SPATA13: variants seen among roughly 807,000 people sequenced by gnomAD.
SPATA13 encodes spermatogenesis associated 13.
Under a neutral mutation model 104.0 loss-of-function variants are expected in SPATA13, and 50 were observed. The observed-to-expected ratio is 0.48, with a 90% CI of 0.38 to 0.61. SPATA13 has a LOEUF of 0.61. Among genes scored for constraint, SPATA13 ranks in the 20% least tolerant of loss-of-function variants. The probability of loss-of-function intolerance (pLI) is 0.00; values close to 1 mark genes in which losing one functional copy is unlikely to be tolerated. For synonymous variants in SPATA13, 606 were observed against 667.5 expected (o/e 0.91, Z 1.42); for missense variants, 1,524 against 1,690.6 (o/e 0.90, Z 1.73).
At chr13:24,256,474 T>C (rs1272774910) in intron 4 of SPATA13, among the ~76,000 whole-genome samples, 1 of 152,154 alleles carries the variant, frequency 6.6e-6, no homozygotes, top group Non-Finnish European at 1.5e-5. Flanking sequence ...ATTATGTGAG[T>C]TTAAAATAAT....
chr13:24,224,566 A>C lies in SPATA13; in HGVS notation c.1637A>C (p.Glu546Ala). 6.5e-7 allele frequency: 1 copy of C among 1,539,066 alleles called. No homozygotes were observed. Among genetic ancestry groups the C allele is most frequent in the Non-Finnish European group, 8.7e-7 (1 of 1,146,876 alleles). ...VNIGVAAGPE[E>A]KEKEEVVPDG... ...ATTGGTGTGGCAGCCGGCCCAGAAG[A>C]AAAGGAGAAGGAGGAGGTAAGGGCA... Residue 546 changes from glutamate (E) to alanine (A), a missense_variant, in exon 2 of 13, where the codon GAA (glutamate) becomes GCA (alanine). Physicochemically the swap from Glu to Ala is moderately radical, Grantham distance 107 (BLOSUM62 -1). Transcript: ENST00000382108.
chr13:24,294,850 G>A lies in SPATA13; in HGVS notation c.3192G>A (p.Val1064=), dbSNP rs1316759120. The A allele has an allele frequency of 1.9e-6, 3 of 1,609,710 alleles. No homozygotes were observed. Among genetic ancestry groups the A allele is most frequent in the South Asian group, 2.2e-5 (2 of 90,968 alleles). The change falls in exon 10 of 13, where the codon GTG becomes GTA. Residue 1064 remains valine, a synonymous_variant. Coordinates refer to ENST00000382108, the MANE Select transcript of SPATA13 (RefSeq NM_001166271.3). ...TCGACAAGATAGCTCGCTGGCAGGT[G>A]TCTATCGTGGGCTGGGAGGTAAGTG... is the stretch of plus-strand genomic sequence containing the variant. ...ESIDKIARWQ[V]SIVGWEGLDI...
Position 24,160,805 on chromosome 13 carries a change from C to T in SPATA13, c.-239C>T, listed in dbSNP as rs1440522083. The T allele has an allele frequency of 1.4e-5, 14 of 985,340 alleles. No individual in the cohort carries two copies. The highest frequency in any genetic ancestry group is 1.7e-5 in the Non-Finnish European group (14 of 829,962). 61.0% of individuals were successfully genotyped at this position (985,340 alleles called of 1,614,324 possible). ...GCCGGTCGCTAGCTCCGAGGGCGCG[C>T]ACTGGATCCCAGGCTCCTCCGAGAG... On this transcript the variant is annotated 5_prime_UTR_variant, in exon 1 of 13. Transcript: ENST00000382108.
intron 3 of SPATA13, among the ~76,000 whole-genome samples, chr13:24,035,739 C>T (rs1293650078): frequency 2.0e-5 from 3 of 152,142 alleles, no homozygotes; most frequent in Non-Finnish European, 2.9e-5. Flanking sequence ...TCTGGCTGAG[C>T]GAGGTGGCGC....
At chr13:24,124,527 G>T (rs370890759) in intron 3 of SPATA13, among the ~76,000 whole-genome samples, 6 of 152,314 alleles carry the variant, frequency 3.9e-5, no homozygotes, top group African/African-American at 1.2e-4. Context: ...GGGACGCAGT[G>T]CTCTCATCTA....
intron 3 of SPATA13, among the ~76,000 whole-genome samples, chr13:24,072,790 T>G (rs1879210104): frequency 6.7e-6 from 1 of 150,030 alleles, no homozygotes; most frequent in Admixed American, 6.6e-5. Context: ...TCCTCTGAGT[T>G]GCAATGGCTC....
At position 24,239,693 on chromosome 13, in the gene SPATA13, T is replaced by TAAAAAAAAAA. The variant is rs55881452; in HGVS notation, c.1654-9767_1654-9758dup. Among the ~76,000 whole-genome samples, 322 of 46,922 alleles carry TAAAAAAAAAA rather than the reference T, an allele frequency of 6.9e-3. 32 individuals are homozygous for TAAAAAAAAAA. Among genetic ancestry groups the TAAAAAAAAAA allele is most frequent in the Middle Eastern group, 0.023 (1 of 44 alleles). The allele number at this position is 46,922 out of a possible 152,430, so 30.8% of individuals were successfully genotyped here. On this transcript the variant is annotated intron_variant, in intron 2 of 12. Transcript: ENST00000382108. ...CTGGGTGTCGGATAGAGACCATATC[T>TAAAAAAAAAA]AAAAAAAAAAAAAAAAAAAAAAAAA...
chr13:24,286,430 T>G lies in SPATA13; in HGVS notation c.2481+37T>G, dbSNP rs1566193883. Reference sequence around the variant, plus strand: ...GTGCTTGCAGCTTTTCCAAAGTACCTGGGGGAGCTGCAGGATCCTTTCAGG... The same window carrying G: ...GTGCTTGCAGCTTTTCCAAAGTACCGGGGGGAGCTGCAGGATCCTTTCAGG... On this transcript the variant is annotated intron_variant, in intron 6 of 12. Transcript: ENST00000382108. The surrounding 1 kb of genome is among the most constrained non-coding windows in gnomAD (Gnocchi z 4.9). 2 of 1,591,182 alleles carry G rather than the reference T, an allele frequency of 1.3e-6. No homozygotes were observed. The highest frequency in any genetic ancestry group is 1.7e-5 in the Admixed American group (1 of 57,236).
intron 3 of SPATA13, among the ~76,000 whole-genome samples, chr13:24,110,432 A>C (rs925991999): frequency 6.6e-6 from 1 of 152,174 alleles, no homozygotes; most frequent in African/African-American, 2.4e-5. Flanking sequence ...GACTCACTTA[A>C]TATTGTAATA....
chr13:24,268,406 T>C (rs1874392133), intron 4 of SPATA13, among the ~76,000 whole-genome samples: 1 of 152,236 alleles, frequency 6.6e-6, no homozygotes, highest in South Asian at 2.1e-4. Flanking sequence ...TATGCCTGTA[T>C]TGAATGAATT....
At chr13:24,239,679 A>T (rs1203678353) in intron 2 of SPATA13, among the ~76,000 whole-genome samples, 4 of 125,906 alleles carry the variant, frequency 3.2e-5, no homozygotes, top group Non-Finnish European at 6.6e-5. Context: ...TGGGTGTCGG[A>T]TAGAGACCAT....
At chr13:24,254,271 G>A (rs1873666961) in intron 4 of SPATA13, 1 of 152,176 alleles carries the variant, frequency 6.6e-6, no homozygotes, top group South Asian at 2.1e-4. Flanking sequence ...AGAGTTCCTA[G>A]GTGGGAAGAA....
In SPATA13 at chr13:24,258,385, G is replaced by C. The variant is rs867282086; in HGVS notation, c.2164+6523G>C. On this transcript the variant is annotated intron_variant, in intron 4 of 12. Transcript: ENST00000382108. ...ATCTCAAAAAAAAAAAAAAAAAAAA[G>C]GCCAGGCACGGTGGCTCATGTCTGT... Among the ~76,000 whole-genome samples, 23 of 107,660 alleles carry C rather than the reference G, an allele frequency of 2.1e-4. No homozygotes were observed. The Middle Eastern group carries it at 0.018, about 86-fold the overall frequency. 70.6% of individuals were successfully genotyped at this position (107,660 alleles called of 152,430 possible). A position where few individuals can be genotyped will look rare whatever the true frequency, so the allele number is the denominator to read the frequency against.
chr13:24,288,222 A>G (rs1453228638), intron 7 of SPATA13, among the ~76,000 whole-genome samples: 1 of 152,240 alleles, frequency 6.6e-6, no homozygotes, highest in Non-Finnish European at 1.5e-5. Context: ...ACAAAGGCAC[A>G]GAGAAGTTAA....
At chr13:24,189,404 G>A (rs186949373) in intron 1 of SPATA13, among the ~76,000 whole-genome samples, 1 of 150,368 alleles carries the variant, frequency 6.7e-6, no homozygotes, top group Admixed American at 6.7e-5. Context: ...AACCCAGGGG[G>A]CGGAGCTTGC....
intron 3 of SPATA13, chr13:24,034,522 A>G (rs781046103): frequency 2.0e-5 from 3 of 152,184 alleles, no homozygotes; most frequent in Non-Finnish European, 4.4e-5. Flanking sequence ...TATATATATA[A>G]CAGATATTGC....
At chr13:24,279,397 A>T (rs889907556) in intron 4 of SPATA13, among the ~76,000 whole-genome samples, 3 of 152,142 alleles carry the variant, frequency 2.0e-5, no homozygotes, top group African/African-American at 7.2e-5. Flanking sequence ...TGAGCAGAGG[A>T]GTGACACAAT....
At chr13:24,054,707 A>G (rs1365900347) in intron 3 of SPATA13, among the ~76,000 whole-genome samples, 1 of 152,254 alleles carries the variant, frequency 6.6e-6, no homozygotes, top group Non-Finnish European at 1.5e-5. Flanking sequence ...GATGGTTCTT[A>G]ACCAGTGTGT....
At chr13:24,271,217 T>C (rs1217876428) in intron 4 of SPATA13, among the ~76,000 whole-genome samples, 1 of 152,096 alleles carries the variant, frequency 6.6e-6, no homozygotes, top group African/African-American at 2.4e-5. Flanking sequence ...TAGAAAATCA[T>C]AAGAATCAAG....
Sources: allele counts gnomAD v4.1 joint callset (sites outside exome capture counted in the v4.1 genomes callset), GRCh38; gene constraint gnomAD v4.1.1; non-coding constraint Gnocchi (gnomAD v3.1); transcripts MANE v1.5; gene names NCBI Gene and HGNC (gene_info 2026-07-23, HGNC 2026-07-21).